Variants in PPP2R2C observed in about 807,000 individuals in gnomAD.
PPP2R2C encodes the protein protein phosphatase 2, regulatory subunit B, gamma.
A neutral mutation model predicts 45.3 loss-of-function variants in PPP2R2C; 10 were observed. The observed-to-expected ratio is 0.22, with a 90% CI of 0.14 to 0.37. The LOEUF is 0.37. Ranked by LOEUF, PPP2R2C falls within the 10% of genes least tolerant of loss-of-function variation. The pLI, the probability that PPP2R2C is intolerant of heterozygous loss-of-function variation, is 1.00. For synonymous variants in PPP2R2C, 257 were observed against 245.4 expected (o/e 1.05, Z -0.44); for missense variants, 308 against 619.7 (o/e 0.50, Z 5.34).
At chr4:6,468,680 T>C (rs981631840) in intron 1 of PPP2R2C, among the ~76,000 whole-genome samples, 5 of 152,168 alleles carry the variant, frequency 3.3e-5, no homozygotes, top group Admixed American at 1.3e-4. Flanking sequence ...TCATCACTGC[T>C]GCCCAGGGCA....
intron 2 of PPP2R2C, among the ~76,000 whole-genome samples, chr4:6,481,363 T>C (rs1418343961): frequency 6.6e-6 from 1 of 152,246 alleles, no homozygotes; most frequent in Non-Finnish European, 1.5e-5. Flanking sequence ...TCAAATTACA[T>C]ACTTTTTCCA....
intron 1 of PPP2R2C, chr4:6,384,648 C>A: frequency 1.0e-6 from 1 of 985,462 alleles, no homozygotes. Context: ...ATTGCTATCC[C>A]AAGTAAATGC....
intron 6 of PPP2R2C, among the ~76,000 whole-genome samples, chr4:6,346,889 C>T (rs1712008029): frequency 6.6e-6 from 1 of 152,206 alleles, no homozygotes; most frequent in African/African-American, 2.4e-5. Flanking sequence ...TATTTCCAGA[C>T]ACTGTGGTAG....
intron 1 of PPP2R2C, among the ~76,000 whole-genome samples, chr4:6,406,900 T>C (rs1717833858): frequency 6.6e-6 from 1 of 152,234 alleles, no homozygotes; most frequent in Non-Finnish European, 1.5e-5. Context: ...GAGAAGATCA[T>C]TCTGAATTAT....
intron 5 of PPP2R2C, among the ~76,000 whole-genome samples, chr4:6,367,311 G>A (rs371330135): frequency 1.3e-5 from 2 of 152,080 alleles, no homozygotes; most frequent in Non-Finnish European, 2.9e-5. Flanking sequence ...TAGGAGATGC[G>A]ACATGGTGGA....
At chr4:6,553,966 T>G (rs938761959) in intron 1 of PPP2R2C, among the ~76,000 whole-genome samples, 1 of 152,166 alleles carries the variant, frequency 6.6e-6, no homozygotes, top group Non-Finnish European at 1.5e-5. Context: ...TGCTCCCTGA[T>G]GGAAGCCTTC....
chr4:6,512,173 GTGCTGA>G (rs1211889752), intron 2 of PPP2R2C, among the ~76,000 whole-genome samples: 2 of 68,664 alleles, frequency 2.9e-5, no homozygotes, highest in African/African-American at 7.2e-5. Context: ...GGTGGTGATG[GTGCTGA>G]TGGTGGTGGT....
intron 5 of PPP2R2C, among the ~76,000 whole-genome samples, chr4:6,366,352 G>A (rs1322272217): frequency 6.6e-6 from 1 of 152,198 alleles, no homozygotes; most frequent in African/African-American, 2.4e-5. Flanking sequence ...GATTCCCCAG[G>A]CGCCCAGATC....
rs975023505 is a variant in PPP2R2C, at chr4:6,328,905, T to G, written c.1052+357A>C. On this transcript the variant is annotated intron_variant, in intron 8 of 8. Coordinates refer to ENST00000382599, the MANE Select transcript of PPP2R2C (RefSeq NM_020416.4). This position sits in a 1 kb window ranked among gnomAD's most constrained non-coding sequence, Gnocchi z 4.4. ...CTGTCTCAGGACATACAGGTGTGGA[T>G]GGATGATGGTGACCGGGTGCTGGGC... Among the ~76,000 whole-genome samples, 1 of 127,918 alleles carries G rather than the reference T, an allele frequency of 7.8e-6. No individual in the cohort carries two copies. Among genetic ancestry groups the G allele is most frequent in the Admixed American group, 7.6e-5 (1 of 13,074 alleles). The allele number at this position is 127,918 out of a possible 152,430, so 83.9% of individuals were successfully genotyped here.
At chr4:6,559,828 C>T (rs556493187) in intron 1 of PPP2R2C, among the ~76,000 whole-genome samples, 6 of 152,204 alleles carry the variant, frequency 3.9e-5, no homozygotes, top group East Asian at 1.9e-4. Context: ...GCCTCCAGAA[C>T]GGTGAGAAAT....
rs1731570841 is a variant in PPP2R2C, at chr4:6,321,869, G to A, written c.*1433C>T. 6.6e-6 allele frequency: 1 copy of A among 152,108 alleles called. No individual in the cohort carries two copies. The highest frequency in any genetic ancestry group is 2.1e-4 in the South Asian group (1 of 4,824). 9.4% of individuals were successfully genotyped at this position (152,108 alleles called of 1,614,324 possible). On this transcript the variant is annotated 3_prime_UTR_variant, in exon 9 of 9. Transcript: ENST00000382599. ...ATTGTCAGAGGGGCAGAGTTCCCGA[G>A]GGATGTGTCCTCTGGGACTGTGTGG...
chr4:6,407,319 A>C (rs1208742032), intron 1 of PPP2R2C, among the ~76,000 whole-genome samples: 2 of 152,274 alleles, frequency 1.3e-5, no homozygotes, highest in East Asian at 1.9e-4. Context: ...ACAGGACACA[A>C]GTCAGGATGA....
At chr4:6,460,306 C>T (rs891396816) in intron 1 of PPP2R2C, among the ~76,000 whole-genome samples, 1 of 152,146 alleles carries the variant, frequency 6.6e-6, no homozygotes, top group Non-Finnish European at 1.5e-5. Context: ...TCTAAGGACA[C>T]AGACACACAC....
chr4:6,453,951 G>A (rs940132586), intron 1 of PPP2R2C, among the ~76,000 whole-genome samples: 3 of 152,152 alleles, frequency 2.0e-5, no homozygotes, highest in Non-Finnish European at 2.9e-5. Context: ...GCACACCCAG[G>A]GCCACCGGTC....
At chr4:6,410,563 C>T (rs1718100868) in intron 1 of PPP2R2C, among the ~76,000 whole-genome samples, 1 of 152,094 alleles carries the variant, frequency 6.6e-6, no homozygotes, top group Non-Finnish European at 1.5e-5. Flanking sequence ...GTGGTAGGTA[C>T]TGTGTGGGGA....
chr4:6,460,467 C>T (rs923065561), intron 1 of PPP2R2C, among the ~76,000 whole-genome samples: 1 of 152,078 alleles, frequency 6.6e-6, no homozygotes, highest in South Asian at 2.1e-4. Context: ...TTCAACTGCC[C>T]GGTATGTGGC....
At chr4:6,531,204 C>T (rs1357444134) in intron 2 of PPP2R2C, among the ~76,000 whole-genome samples, 2 of 152,214 alleles carry the variant, frequency 1.3e-5, no homozygotes, top group Admixed American at 6.5e-5. Context: ...CAGTGTCCTT[C>T]GAGGCCTCTC....
At chr4:6,504,131 G>T (rs1207159493) in intron 2 of PPP2R2C, among the ~76,000 whole-genome samples, 1 of 152,212 alleles carries the variant, frequency 6.6e-6, no homozygotes. Context: ...GGGCAATCTT[G>T]GCTACTGGAA....
chr4:6,529,855 C>T (rs148319319), intron 2 of PPP2R2C, among the ~76,000 whole-genome samples: 247 of 152,276 alleles, frequency 1.6e-3, no homozygotes, highest in African/African-American at 5.8e-3. Context: ...GGAAGGCCTC[C>T]CATGACAAGG....
Sources: gnomAD v4.1 joint callset for allele counts (sites outside exome capture counted in the v4.1 genomes callset) on GRCh38, gnomAD v4.1.1 for gene constraint, Gnocchi (gnomAD v3.1) non-coding constraint, MANE v1.5 for transcripts, NCBI Gene and HGNC (gene_info 2026-07-23, HGNC 2026-07-21) for gene names.